Variants in RTN4RL1 observed in about 807,000 individuals in gnomAD.
RTN4RL1 encodes the protein reticulon 4 receptor like 1, also known as reticulon-4 receptor-like 1.
A neutral mutation model predicts 25.6 loss-of-function variants in RTN4RL1; 7 were observed. That is an observed-to-expected ratio of 0.27 (90% CI 0.16 to 0.51). RTN4RL1 has a LOEUF of 0.51. Ranked by LOEUF, RTN4RL1 falls within the 20% of genes least tolerant of loss-of-function variation. The pLI is 0.97. For synonymous variants in RTN4RL1, 297 were observed against 288.2 expected (o/e 1.03, Z -0.31); for missense variants, 500 against 615.6 (o/e 0.81, Z 1.99).
intron 1 of RTN4RL1, among the ~76,000 whole-genome samples, chr17:1,987,379 G>T (rs560081804): frequency 2.0e-5 from 3 of 152,112 alleles, no homozygotes; most frequent in Non-Finnish European, 4.4e-5. Context: ...CTCCTTTTCC[G>T]GGAGGAGGGA....
chr17:2,014,108 G>C (rs1430513695), intron 1 of RTN4RL1, among the ~76,000 whole-genome samples: 1 of 152,194 alleles, frequency 6.6e-6, no homozygotes, highest in East Asian at 1.9e-4. Context: ...AAATCTTTCA[G>C]TAACCTTTTG....
intron 1 of RTN4RL1, among the ~76,000 whole-genome samples, chr17:1,981,510 G>T (rs1258698711): frequency 6.6e-6 from 1 of 152,172 alleles, no homozygotes; most frequent in Non-Finnish European, 1.5e-5. Flanking sequence ...CTTTTGCCCT[G>T]CGGCTGCCTC....
chr17:2,009,935 G>T (rs1435682763), intron 1 of RTN4RL1, among the ~76,000 whole-genome samples: 1 of 128,788 alleles, frequency 7.8e-6, no homozygotes, highest in Non-Finnish European at 1.6e-5. Context: ...CCTGACGCAG[G>T]GCCTTTGCAC....
At chr17:1,961,554 T>C (rs993979019) in intron 1 of RTN4RL1, among the ~76,000 whole-genome samples, 4 of 150,976 alleles carry the variant, frequency 2.6e-5, no homozygotes, top group Non-Finnish European at 4.4e-5. Flanking sequence ...AAAGAAAGGG[T>C]GGAGTCTCTT....
intron 1 of RTN4RL1, among the ~76,000 whole-genome samples, chr17:1,943,848 G>A (rs996715487): frequency 6.6e-6 from 1 of 152,174 alleles, no homozygotes; most frequent in Admixed American, 6.5e-5. Context: ...GGGGTGTGCA[G>A]GATGGGCAGG....
intron 1 of RTN4RL1, among the ~76,000 whole-genome samples, chr17:1,959,410 T>C (rs1915853344): frequency 6.6e-6 from 1 of 152,120 alleles, no homozygotes; most frequent in African/African-American, 2.4e-5. Flanking sequence ...CCTGGCTCTG[T>C]CGTCTTGTCT....
intron 1 of RTN4RL1, among the ~76,000 whole-genome samples, chr17:1,999,880 C>CCT (rs1335839818): frequency 6.6e-6 from 1 of 152,264 alleles, no homozygotes; most frequent in Admixed American, 6.5e-5. Flanking sequence ...TCTCGCCTCT[C>CCT]CTCTCCTGTC....
At chr17:1,948,571 G>A (rs949394511) in intron 1 of RTN4RL1, among the ~76,000 whole-genome samples, 1 of 152,224 alleles carries the variant, frequency 6.6e-6, no homozygotes, top group Non-Finnish European at 1.5e-5. Context: ...GCAGACACAG[G>A]CAGACAGGCG....
chr17:1,985,043 A>G (rs2066882188), intron 1 of RTN4RL1, among the ~76,000 whole-genome samples: 2 of 152,120 alleles, frequency 1.3e-5, no homozygotes, highest in Admixed American at 6.5e-5. Flanking sequence ...TGCGACAAGC[A>G]TTTTTCACGC....
intron 1 of RTN4RL1, among the ~76,000 whole-genome samples, chr17:1,947,722 A>G (rs968558581): frequency 1.3e-5 from 2 of 152,166 alleles, no homozygotes; most frequent in East Asian, 1.9e-4. Flanking sequence ...CCCTCTGCCC[A>G]TCGGGTCTCC....
In RTN4RL1 at chr17:1,936,062, C is replaced by A. The variant is rs936436541; in HGVS notation, c.*434G>T. The A allele has an allele frequency of 6.0e-6, 6 of 995,780 alleles. No individual in the cohort carries two copies. The Admixed American group carries it at 3.4e-4, about 57-fold the overall frequency. The allele number at this position is 995,780 out of a possible 1,614,324, so 61.7% of individuals were successfully genotyped here. A position where few individuals can be genotyped will look rare whatever the true frequency, so the allele number is the denominator to read the frequency against. ...TGTGCCCAGACTGCTGGCCACCCAG[C>A]CTCGTGGGTGAGCCTCATTTGTTCT... is the stretch of plus-strand genomic sequence containing the variant. On this transcript the variant is annotated 3_prime_UTR_variant, in exon 2 of 2. Coordinates refer to ENST00000331238, the MANE Select transcript of RTN4RL1 (RefSeq NM_178568.4).
In RTN4RL1 at chr17:1,994,932, TAA is replaced by T. The variant is rs775125543; in HGVS notation, c.13+29919_13+29920del. On this transcript the variant is annotated intron_variant, in intron 1 of 1. Transcript: ENST00000331238. The surrounding 1 kb of genome is among the most constrained non-coding windows in gnomAD (Gnocchi z 4.3). ...GGCCAACATAGTAAGACCCCATCTC[TAA>T]AAAAAAAAAAAAATCATGAAATGAG... 5.2e-5 allele frequency among the ~76,000 whole-genome samples: 7 copies of T among 135,624 alleles called. No homozygotes were observed. The highest frequency in any genetic ancestry group is 7.4e-5 in the Admixed American group (1 of 13,498). 89.0% of individuals were successfully genotyped at this position (135,624 alleles called of 152,430 possible).
intron 1 of RTN4RL1, among the ~76,000 whole-genome samples, chr17:1,979,673 G>A (rs2066858665): frequency 6.6e-6 from 1 of 152,154 alleles, no homozygotes; most frequent in Non-Finnish European, 1.5e-5. Flanking sequence ...CTGCCTTCCT[G>A]AAGCAATCAC....
intron 1 of RTN4RL1, among the ~76,000 whole-genome samples, chr17:1,984,127 C>A (rs2066878681): frequency 6.6e-6 from 1 of 152,230 alleles, no homozygotes; most frequent in African/African-American, 2.4e-5. Context: ...CAAAGAAATT[C>A]TTGATCATTT....
intron 1 of RTN4RL1, among the ~76,000 whole-genome samples, chr17:1,965,300 T>A (rs1338114766): frequency 6.7e-6 from 1 of 150,182 alleles, no homozygotes; most frequent in Non-Finnish European, 1.5e-5. Context: ...TTAGTAGAGA[T>A]GGGGTTTCAC....
chr17:2,001,035 T>C (rs2066954737), intron 1 of RTN4RL1, among the ~76,000 whole-genome samples: 1 of 146,860 alleles, frequency 6.8e-6, no homozygotes, highest in South Asian at 2.2e-4. Context: ...AAGATAACAA[T>C]AATAATGTTT....
intron 1 of RTN4RL1, among the ~76,000 whole-genome samples, chr17:1,939,123 C>A (rs566478526): frequency 6.6e-6 from 1 of 151,830 alleles, no homozygotes; most frequent in Non-Finnish European, 1.5e-5. Flanking sequence ...GAGGCCGAGG[C>A]GGGCGGATCA....
chr17:1,936,713 G>A lies in RTN4RL1; in HGVS notation c.1109C>T (p.Ala370Val). Reference protein sequence around the residue: ...RNRNQISKAGAGKQAPELPDY... With the variant: ...RNRNQISKAGVGKQAPELPDY... Reference sequence around the variant, plus strand: ...TGGCAGCTCGGGGGCCTGTTTCCCGGCGCCCGCCTTAGAGATCTGATTGCG... The same window carrying A: ...TGGCAGCTCGGGGGCCTGTTTCCCGACGCCCGCCTTAGAGATCTGATTGCG... Residue 370 changes from alanine to valine, a missense_variant, in exon 2 of 2, where the codon GCC becomes GTC. Ala to Val is a moderately conservative substitution (Grantham distance 64, BLOSUM62 0). Coordinates refer to ENST00000331238, the MANE Select transcript of RTN4RL1 (RefSeq NM_178568.4). 1.3e-6 allele frequency: 2 copies of A among 1,584,512 alleles called. No individual in the cohort carries two copies. Among genetic ancestry groups the A allele is most frequent in the Non-Finnish European group, 1.7e-6 (2 of 1,167,886 alleles).
At position 1,998,373 on chromosome 17, in the gene RTN4RL1, T is replaced by A. The variant is rs1304467645; in HGVS notation, c.13+26480A>T. 1.3e-5 allele frequency among the ~76,000 whole-genome samples: 2 copies of A among 151,934 alleles called. No homozygotes were observed. The highest frequency in any genetic ancestry group is 4.8e-5 in the African/African-American group (2 of 41,388). On this transcript the variant is annotated intron_variant, in intron 1 of 1. Coordinates refer to ENST00000331238, the MANE Select transcript of RTN4RL1 (RefSeq NM_178568.4). The surrounding 1 kb of genome is among the most constrained non-coding windows in gnomAD (Gnocchi z 4.9). ...TCGCTCTAGAGCCGGGGGCCCGCGC[T>A]GAGAGATCGGGGTTACCGCGCGGGG...
Sources: gnomAD v4.1 joint callset for allele counts (sites outside exome capture counted in the v4.1 genomes callset) on GRCh38, gnomAD v4.1.1 for gene constraint, Gnocchi (gnomAD v3.1) non-coding constraint, MANE v1.5 for transcripts, NCBI Gene and HGNC (gene_info 2026-07-23, HGNC 2026-07-21) for gene names.